The following WWOX variants were observed in gnomAD, a reference collection of about 807,000 sequenced individuals.
WWOX encodes WW domain containing oxidoreductase, also known as WW domain-containing oxidoreductase.
A neutral mutation model predicts 46.2 loss-of-function variants in WWOX; 69 were observed. That is an observed-to-expected ratio of 1.49 (90% CI 1.23 to 1.82). The LOEUF (loss-of-function observed/expected upper bound fraction) is 1.82, where lower values mean the gene tolerates loss of function less well. WWOX is among the 40% of genes most tolerant of loss of function. WWOX has a pLI of 0.00. For synonymous variants in WWOX, 359 were observed against 202.6 expected (o/e 1.77, Z -6.56); for missense variants, 919 against 542.6 (o/e 1.69, Z -6.89).
intron 4 of WWOX, among the ~76,000 whole-genome samples, chr16:78,128,589 G>T (rs960363080): frequency 2.0e-5 from 3 of 152,146 alleles, no homozygotes; most frequent in Non-Finnish European, 4.4e-5. Context: ...AGACACAAAC[G>T]GGATGCTCCT....
chr16:78,860,010 G>T (rs746374620), intron 8 of WWOX, among the ~76,000 whole-genome samples: 2 of 152,112 alleles, frequency 1.3e-5, no homozygotes, highest in Non-Finnish European at 1.5e-5. Flanking sequence ...TAGATAAATA[G>T]CATTTTCACG....
chr16:78,491,017 C>G (rs545354971), intron 8 of WWOX, among the ~76,000 whole-genome samples: 1 of 152,174 alleles, frequency 6.6e-6, no homozygotes, highest in African/African-American at 2.4e-5. Context: ...TTCCACCTCT[C>G]CCTCTTGGCC....
chr16:78,131,916 T>C (rs1210746447), intron 4 of WWOX, among the ~76,000 whole-genome samples: 2 of 150,610 alleles, frequency 1.3e-5, no homozygotes, highest in Non-Finnish European at 1.5e-5. Context: ...TGAGGAAACA[T>C]CTAACAGCAA....
chr16:78,267,442 A>T (rs563013988), intron 5 of WWOX, among the ~76,000 whole-genome samples: 5 of 152,320 alleles, frequency 3.3e-5, no homozygotes, highest in African/African-American at 1.2e-4. Flanking sequence ...TTTGTAGTCT[A>T]TTAAAATGTG....
intron 5 of WWOX, among the ~76,000 whole-genome samples, chr16:78,224,335 A>AT (rs1428285275): frequency 2.0e-5 from 3 of 151,224 alleles, no homozygotes; most frequent in Non-Finnish European, 2.9e-5. Flanking sequence ...GGAACAAGTC[A>AT]TTTTTTTGGT....
intron 8 of WWOX, among the ~76,000 whole-genome samples, chr16:78,689,858 T>G (rs1331175955): frequency 2.7e-5 from 4 of 149,562 alleles, no homozygotes; most frequent in East Asian, 3.9e-4. Context: ...TTGTTTTTTG[T>G]TTTTTTTGTG....
intron 8 of WWOX, among the ~76,000 whole-genome samples, chr16:78,500,160 G>A (rs1462916189): frequency 6.6e-6 from 1 of 152,272 alleles, no homozygotes; most frequent in South Asian, 2.1e-4. Context: ...TAGCTTTTTG[G>A]TGTAGAATTT....
chr16:78,718,698 A>C (rs1165197112), intron 8 of WWOX, among the ~76,000 whole-genome samples: 2 of 152,164 alleles, frequency 1.3e-5, no homozygotes, highest in Admixed American at 1.3e-4. Flanking sequence ...ACATAGTGAG[A>C]CACTACCTAG....
intron 8 of WWOX, among the ~76,000 whole-genome samples, chr16:78,613,809 T>G (rs1391063024): frequency 1.3e-5 from 2 of 152,148 alleles, no homozygotes; most frequent in South Asian, 4.2e-4. Context: ...GTTTCAGAAT[T>G]CAGAAGTTTT....
At chr16:78,842,455 A>G (rs2052180948) in intron 8 of WWOX, among the ~76,000 whole-genome samples, 2 of 152,072 alleles carry the variant, frequency 1.3e-5, no homozygotes, top group Non-Finnish European at 2.9e-5. Flanking sequence ...GTGAGCTAGG[A>G]TCACGCTACT....
At chr16:78,139,397 G>C (rs1427286995) in intron 4 of WWOX, among the ~76,000 whole-genome samples, 1 of 152,192 alleles carries the variant, frequency 6.6e-6, no homozygotes, top group Non-Finnish European at 1.5e-5. Context: ...TGTAATCCCA[G>C]TACTTTGGGA....
At chr16:78,578,254 T>TATATATATATA (rs2044941404) in intron 8 of WWOX, among the ~76,000 whole-genome samples, 1 of 31,630 alleles carries the variant, frequency 3.2e-5, no homozygotes, top group African/African-American at 9.7e-5. Flanking sequence ...ATACCAAATT[T>TATATATATATA]TATATATATA....
intron 8 of WWOX, among the ~76,000 whole-genome samples, chr16:78,645,952 G>C (rs569842135): frequency 6.6e-6 from 1 of 152,074 alleles, no homozygotes; most frequent in Non-Finnish European, 1.5e-5. Context: ...GCAGTGCAGC[G>C]TCTTCAATTC....
intron 6 of WWOX, among the ~76,000 whole-genome samples, chr16:78,418,156 C>A (rs998971353): frequency 6.6e-6 from 1 of 152,008 alleles, no homozygotes; most frequent in Admixed American, 6.6e-5. Context: ...GTCAGGAGGT[C>A]AAGACCATCC....
intron 8 of WWOX, among the ~76,000 whole-genome samples, chr16:78,834,370 C>A (rs548407667): frequency 1.3e-5 from 2 of 152,104 alleles, no homozygotes; most frequent in Non-Finnish European, 2.9e-5. Context: ...CCAGGATTGT[C>A]GTGCGTGTGT....
At chr16:78,391,369 C>G (rs1012692933) in intron 6 of WWOX, among the ~76,000 whole-genome samples, 4 of 152,172 alleles carry the variant, frequency 2.6e-5, no homozygotes, top group African/African-American at 4.8e-5. Context: ...CATGATTATC[C>G]CTACTTTGCA....
At chr16:79,198,078 AC>A (rs2051274904) in intron 8 of WWOX, among the ~76,000 whole-genome samples, 1 of 151,838 alleles carries the variant, frequency 6.6e-6, no homozygotes, top group African/African-American at 2.4e-5. Context: ...TAATCCCAGC[AC>A]TTGGGGAGGC....
At chr16:78,668,431 C>G (rs1392150268) in intron 8 of WWOX, among the ~76,000 whole-genome samples, 2 of 152,200 alleles carry the variant, frequency 1.3e-5, no homozygotes, top group Admixed American at 1.3e-4. Context: ...GAATGACATT[C>G]CAAGATTCCA....
intron 5 of WWOX, among the ~76,000 whole-genome samples, chr16:78,178,878 A>AAG (rs397713774): frequency 6.6e-6 from 1 of 151,304 alleles, no homozygotes; most frequent in African/African-American, 2.4e-5. Context: ...AAAAAAAAAA[A>AAG]GTAATCATTT....
Sources: gnomAD v4.1 joint callset for allele counts (sites outside exome capture counted in the v4.1 genomes callset) on GRCh38, gnomAD v4.1.1 for gene constraint, MANE v1.5 for transcripts, NCBI Gene and HGNC (gene_info 2026-07-23, HGNC 2026-07-21) for gene names.